The following ZC2HC1B variants were observed in gnomAD, a reference collection of about 807,000 sequenced individuals.
The protein encoded by ZC2HC1B is zinc finger C2HC-type containing 1B.
A neutral mutation model predicts 31.0 loss-of-function variants in ZC2HC1B; 36 were observed. That is an observed-to-expected ratio of 1.16 (90% CI 0.89 to 1.54). ZC2HC1B has a LOEUF of 1.54. ZC2HC1B is among the 40% of genes most tolerant of loss of function. ZC2HC1B has a pLI of 0.00. For synonymous variants in ZC2HC1B, 73 were observed against 88.0 expected (o/e 0.83, Z 0.95); for missense variants, 260 against 268.6 (o/e 0.97, Z 0.22).
At position 143,903,129 on chromosome 6, in the gene ZC2HC1B, C is replaced by T. The variant is rs1418987379; in HGVS notation, c.575C>T (p.Thr192Met). ...ALLQNRVLVA[T>M]NEVPTKSGLA... ...CTGCAGAACAGGGTCCTGGTGGCCA[C>T]GAATGAAGTCCCAACCAAGTCAGGT... The change falls in exon 6 of 8, where the codon ACG (threonine) becomes ATG (methionine). Residue 192 changes from threonine (T) to methionine (M), a missense_variant. Coordinates refer to ENST00000237275, the MANE Select transcript of ZC2HC1B (RefSeq NM_001013623.3). The surrounding 1 kb of genome is among the most constrained non-coding windows in gnomAD (Gnocchi z 4.3). 7.1e-6 allele frequency: 11 copies of T among 1,552,112 alleles called. No individual in the cohort carries two copies. Among genetic ancestry groups the T allele is most frequent in the Admixed American group, 2.0e-5 (1 of 50,998 alleles).
At chr6:143,937,925 T>C (rs1232579010) in intron 7 of ZC2HC1B, among the ~76,000 whole-genome samples, 192 bp downstream of exon 7, 1 of 152,256 alleles carries the variant, frequency 6.6e-6, no homozygotes, top group African/African-American at 2.4e-5. Context: ...TTTTGATTCA[T>C]GACTTAATAG....
rs192942625 is a variant in ZC2HC1B at position 143,884,816 on chromosome 6, G to A, written c.90+451G>A. Among the ~76,000 whole-genome samples, 134 of 152,198 alleles carry A rather than the reference G, an allele frequency of 8.8e-4. 3 individuals carry two copies. The South Asian group carries it at 0.025, about 28-fold the overall frequency. ...ACCTTCCTGTTTTCTGCTTTGCCAC[G>A]TATACAGAACCTTCAAATTTGAGGG... On this transcript the variant is annotated intron_variant, in intron 2 of 7. Coordinates refer to ENST00000237275, the MANE Select transcript of ZC2HC1B (RefSeq NM_001013623.3). This position sits in a 1 kb window ranked among gnomAD's most constrained non-coding sequence, Gnocchi z 5.1.
intron 5 of ZC2HC1B, 132 bp downstream of exon 5, chr6:143,898,823 CA>C: frequency 2.5e-6 from 3 of 1,194,376 alleles, no homozygotes; most frequent in Non-Finnish European, 3.4e-6. Context: ...CATGATTGCT[CA>C]CCCCTGTGGG....
At chr6:143,873,280 G>A (rs1777365845) in intron 1 of ZC2HC1B, among the ~76,000 whole-genome samples, 1 of 152,228 alleles carries the variant, frequency 6.6e-6, no homozygotes, top group Admixed American at 6.5e-5. Flanking sequence ...GCAAGAGGTG[G>A]GTTCCCAAGG....
chr6:143,890,576 G>A (rs564504460), intron 4 of ZC2HC1B, among the ~76,000 whole-genome samples: 1 of 152,058 alleles, frequency 6.6e-6, no homozygotes, highest in South Asian at 2.1e-4. Flanking sequence ...ATTCAACACT[G>A]TACTATTGAT....
intron 1 of ZC2HC1B, among the ~76,000 whole-genome samples, chr6:143,877,272 CTTTTTTTTTTT>C (rs34994479): frequency 7.0e-5 from 3 of 42,578 alleles, no homozygotes; most frequent in Non-Finnish European, 1.3e-4. Flanking sequence ...TTTTTAATTT[CTTTTTTTTTTT>C]TTTTTTTTTT....
At chr6:143,904,263 G>A (rs1777769517) in intron 6 of ZC2HC1B, among the ~76,000 whole-genome samples, 1 of 152,172 alleles carries the variant, frequency 6.6e-6, no homozygotes, top group Non-Finnish European at 1.5e-5. Flanking sequence ...AATTCTCTAT[G>A]TATTCTGGAT....
chr6:143,916,202 T>C (rs534505929), intron 6 of ZC2HC1B, among the ~76,000 whole-genome samples: 31 of 152,336 alleles, frequency 2.0e-4, no homozygotes, highest in African/African-American at 7.2e-4. Context: ...AGGCTGTTGC[T>C]TCAGAGGGTG....
Position 143,871,466 on chromosome 6 carries a change from C to T in ZC2HC1B, c.28+6899C>T, listed in dbSNP as rs1007197942. Among the ~76,000 whole-genome samples, 3 of 152,238 alleles carry T rather than the reference C, an allele frequency of 2.0e-5. No individual in the cohort carries two copies. The highest frequency in any genetic ancestry group is 4.4e-5 in the Non-Finnish European group (3 of 68,052). On this transcript the variant is annotated intron_variant, in intron 1 of 7. Coordinates refer to ENST00000237275, the MANE Select transcript of ZC2HC1B (RefSeq NM_001013623.3). The surrounding 1 kb of genome is among the most constrained non-coding windows in gnomAD (Gnocchi z 4.1). ...AGGGCATTTGCCAAGTCAATGGCTG[C>T]ATACCAGGTACCAAGAAATGTGTTA...
chr6:143,914,703 T>C (rs1777896996), intron 6 of ZC2HC1B, among the ~76,000 whole-genome samples: 2 of 152,208 alleles, frequency 1.3e-5, no homozygotes, highest in Admixed American at 1.3e-4. Flanking sequence ...TTTAGTTCTG[T>C]TGATTTTTGC....
In ZC2HC1B at chr6:143,922,616, A is replaced by G. The variant is rs910184317; in HGVS notation, c.599-15033A>G. Among the ~76,000 whole-genome samples, 6 of 152,218 alleles carry G rather than the reference A, an allele frequency of 3.9e-5. No homozygotes were observed. Among genetic ancestry groups the G allele is most frequent in the African/African-American group, 2.4e-5 (1 of 41,458 alleles). On this transcript the variant is annotated intron_variant, in intron 6 of 7. Coordinates refer to ENST00000237275, the MANE Select transcript of ZC2HC1B (RefSeq NM_001013623.3). The surrounding 1 kb of genome is among the most constrained non-coding windows in gnomAD (Gnocchi z 5.0). The stretch of plus-strand genomic sequence containing the variant: ...GTCTGGCTTAATTCATTTAACAATA[A>G]TGACCTCTAGTTCCATACACATTGC...
Position 143,872,656 on chromosome 6 carries a change from G to T in ZC2HC1B, c.28+8089G>T, listed in dbSNP as rs561445671. Among the ~76,000 whole-genome samples the T allele has an allele frequency of 8.5e-5, 13 of 152,338 alleles. No homozygotes were observed. The highest frequency in any genetic ancestry group is 3.1e-4 in the African/African-American group (13 of 41,574). ...GTTCCACATGGCTGGGGAGGCCTCA[G>T]AATCATGGCAGAAGGCAAAAGGCAC... is the stretch of plus-strand genomic sequence containing the variant. On this transcript the variant is annotated intron_variant, in intron 1 of 7. Transcript: ENST00000237275. The surrounding 1 kb of genome is among the most constrained non-coding windows in gnomAD (Gnocchi z 5.5).
chr6:143,890,628 T>C (rs918221733), intron 4 of ZC2HC1B, among the ~76,000 whole-genome samples: 6 of 152,170 alleles, frequency 3.9e-5, no homozygotes, highest in Non-Finnish European at 8.8e-5. Flanking sequence ...TAAAATATTA[T>C]ATTTACATGT....
intron 6 of ZC2HC1B, among the ~76,000 whole-genome samples, chr6:143,904,693 A>G (rs367843653): frequency 6.6e-6 from 1 of 152,168 alleles, no homozygotes; most frequent in Non-Finnish European, 1.5e-5. Flanking sequence ...CCAGGGTCAG[A>G]GAGGTTTACT....
intron 1 of ZC2HC1B, 115 bp downstream of exon 1, chr6:143,864,682 A>G: frequency 8.8e-7 from 1 of 1,142,232 alleles, no homozygotes; most frequent in Non-Finnish European, 1.3e-6. Context: ...TGATCCGTTT[A>G]AATCTAAGTA....
intron 6 of ZC2HC1B, among the ~76,000 whole-genome samples, chr6:143,925,966 T>G (rs1290259701): frequency 6.6e-6 from 1 of 152,238 alleles, no homozygotes; most frequent in Non-Finnish European, 1.5e-5. Context: ...AGTTGTAATG[T>G]CTCCCTTTTT....
At position 143,886,060 on chromosome 6, in the gene ZC2HC1B, T is replaced by G. The variant is rs1380041337; in HGVS notation, c.119T>G (p.Leu40Arg). ...LERHGPICKK[L>R]FNRKRKPFSS... The stretch of plus-strand genomic sequence containing the variant: ...AGGCATGGACCAATATGTAAGAAAC[T>G]CTTCAACAGAAAGCGTAAACCTTTC... Residue 40 changes from leucine (L) to arginine (R), a missense_variant, in exon 3 of 8, where the codon CTC becomes CGC. Coordinates refer to ENST00000237275, the MANE Select transcript of ZC2HC1B (RefSeq NM_001013623.3). This position sits in a 1 kb window ranked among gnomAD's most constrained non-coding sequence, Gnocchi z 4.2. The G allele has an allele frequency of 6.5e-7, 1 of 1,544,416 alleles. No homozygotes were observed. Among genetic ancestry groups the G allele is most frequent in the East Asian group, 2.5e-5 (1 of 40,746 alleles).
At chr6:143,897,121 A>G (rs896677190) in intron 4 of ZC2HC1B, among the ~76,000 whole-genome samples, 1 of 151,932 alleles carries the variant, frequency 6.6e-6, no homozygotes, top group Non-Finnish European at 1.5e-5. Flanking sequence ...CAAATAGGAA[A>G]CTCCCCAAAC....
At chr6:143,882,122 T>C (rs1002137495) in intron 1 of ZC2HC1B, among the ~76,000 whole-genome samples, 1 of 151,690 alleles carries the variant, frequency 6.6e-6, no homozygotes, top group Admixed American at 6.6e-5. Flanking sequence ...ATTTGTAAAA[T>C]AGAAATAGTA....
Sources: gnomAD v4.1 joint callset for allele counts (sites outside exome capture counted in the v4.1 genomes callset) on GRCh38, gnomAD v4.1.1 for gene constraint, Gnocchi (gnomAD v3.1) non-coding constraint, MANE v1.5 for transcripts, NCBI Gene and HGNC (gene_info 2026-07-23, HGNC 2026-07-21) for gene names.